TANGO6: variants seen among roughly 807,000 people sequenced by gnomAD.
The protein encoded by TANGO6 is transport and golgi organization 6 homolog.
TANGO6 carries 90 observed loss-of-function variants against 114.2 expected under a neutral mutation model. The observed-to-expected ratio is 0.79, with a 90% CI of 0.66 to 0.94. The LOEUF (loss-of-function observed/expected upper bound fraction) is 0.94, where lower values mean the gene tolerates loss of function less well. TANGO6 is among the 40% of genes least tolerant of loss of function. TANGO6 has a pLI of 0.00. For synonymous variants in TANGO6, 477 were observed against 509.8 expected, an observed-to-expected ratio of 0.94 and a Z score of 0.87; for missense variants, 1,274 against 1,315.3, an observed-to-expected ratio of 0.97 and a Z score of 0.49.
intron 15 of TANGO6, among the ~76,000 whole-genome samples, chr16:69,016,509 T>G (rs2152226031): frequency 6.6e-6 from 1 of 152,290 alleles, no homozygotes; most frequent in South Asian, 2.1e-4. Context: ...ATGAGAGCTG[T>G]GTTTTCTAAT....
chr16:69,067,511 T>TC (rs1176264982), intron 17 of TANGO6, among the ~76,000 whole-genome samples: 5 of 50,762 alleles, frequency 9.8e-5, no homozygotes, highest in African/African-American at 6.2e-4. Context: ...AGAGCAAAAC[T>TC]CCATCTCAAA....
At chr16:68,928,982 G>A (rs35708016) in intron 13 of TANGO6, among the ~76,000 whole-genome samples, 9,280 of 151,958 alleles carry the variant, frequency 0.061, 357 homozygotes, top group Middle Eastern at 0.099. Flanking sequence ...GCAGTGGTGC[G>A]ATCTCAGCTC....
At chr16:68,988,261 T>A (rs1963914990) in intron 15 of TANGO6, among the ~76,000 whole-genome samples, 1 of 152,226 alleles carries the variant, frequency 6.6e-6, no homozygotes, top group African/African-American at 2.4e-5. Context: ...CTCATATGAC[T>A]CGACTTTCCA....
rs1287351860 is a variant in TANGO6 at position 69,040,347 on chromosome 16, G to A, written c.3034G>A (p.Glu1012Lys). Reference protein sequence around the residue: ...CLIAVAKTDGEVQVRRAAIHV... With the variant: ...CLIAVAKTDGKVQVRRAAIHV... ...GATTGCTGTGGCCAAAACAGATGGT[G>A]AAGTTCAAGTACGCAGAGCTGCCAT... The change falls in exon 17 of 18, where the codon GAA becomes AAA. Residue 1012 changes from glutamate to lysine, a missense_variant. This residue lies in a region of TANGO6 where 238 missense variants were observed against 252.9 expected (regional missense o/e 0.94). Transcript: ENST00000261778. 1 of 1,609,302 alleles carries A rather than the reference G, an allele frequency of 6.2e-7. No individual in the cohort carries two copies. Among genetic ancestry groups the A allele is most frequent in the Non-Finnish European group, 8.5e-7 (1 of 1,178,082 alleles).
intron 11 of TANGO6, among the ~76,000 whole-genome samples, chr16:68,913,336 C>T (rs553843551): frequency 3.3e-5 from 5 of 151,474 alleles, no homozygotes; most frequent in African/African-American, 1.2e-4. Context: ...ACTTGAGAAA[C>T]TGGAAATCTA....
At chr16:69,015,733 G>A (rs867506930) in intron 15 of TANGO6, among the ~76,000 whole-genome samples, 1 of 152,008 alleles carries the variant, frequency 6.6e-6, no homozygotes, top group Non-Finnish European at 1.5e-5. Context: ...CGCCCCCTCT[G>A]CTTCCCAAAG....
At chr16:68,934,144 G>GCC (rs1963276378) in intron 14 of TANGO6, among the ~76,000 whole-genome samples, 2 of 151,528 alleles carry the variant, frequency 1.3e-5, no homozygotes, top group Non-Finnish European at 2.9e-5. Context: ...CTGGGCTCAA[G>GCC]CAGTCCTACC....
chr16:68,885,190 G>A (rs779490564), intron 7 of TANGO6, among the ~76,000 whole-genome samples: 5 of 152,186 alleles, frequency 3.3e-5, no homozygotes, highest in Non-Finnish European at 2.9e-5. Flanking sequence ...ACTAGGTAAC[G>A]TGGAGGATAA....
At chr16:68,984,722 A>C (rs558094699) in intron 15 of TANGO6, among the ~76,000 whole-genome samples, 1 of 151,982 alleles carries the variant, frequency 6.6e-6, no homozygotes, top group African/African-American at 2.4e-5. Context: ...GGGTCTCACT[A>C]TGTTGCCCAG....
At chr16:68,980,853 G>C (rs1963828870) in intron 15 of TANGO6, among the ~76,000 whole-genome samples, 1 of 152,002 alleles carries the variant, frequency 6.6e-6, no homozygotes, top group South Asian at 2.1e-4. Flanking sequence ...AAATTAGCCA[G>C]GCATAGTGGC....
intron 17 of TANGO6, among the ~76,000 whole-genome samples, chr16:69,064,121 C>A (rs1206445260): frequency 6.6e-6 from 1 of 152,092 alleles, no homozygotes; most frequent in East Asian, 1.9e-4. Context: ...CAGGCATAAG[C>A]CACCACGCCC....
rs1962352122 is a variant in TANGO6 at position 68,876,071 on chromosome 16, T to C, written c.1131+781T>C. Among the ~76,000 whole-genome samples, 4 of 152,186 alleles carry C rather than the reference T, an allele frequency of 2.6e-5. No homozygotes were observed. In the South Asian group the frequency reaches 8.3e-4, roughly 32 times the overall value. ...TATTCTGTGTATTATGCATATACCA[T>C]CATATGTGCATATGTTAATGTATGT... On this transcript the variant is annotated intron_variant, in intron 5 of 17. Transcript: ENST00000261778.
chr16:69,078,195 C>T (rs1597082469), intron 17 of TANGO6, among the ~76,000 whole-genome samples: 1 of 152,282 alleles, frequency 6.6e-6, no homozygotes, highest in South Asian at 2.1e-4. Flanking sequence ...AGAAAGAAGG[C>T]CGGCACAGCT....
intron 15 of TANGO6, 45 bp from the exon 16 acceptor site, chr16:69,022,783 G>A (rs1250176957): frequency 6.5e-7 from 1 of 1,532,906 alleles, no homozygotes; most frequent in Non-Finnish European, 8.8e-7. Flanking sequence ...TTAAGAAGTT[G>A]AAATTTTGTT....
At chr16:68,976,235 G>C (rs1567551717) in intron 15 of TANGO6, among the ~76,000 whole-genome samples, 1 of 152,182 alleles carries the variant, frequency 6.6e-6, no homozygotes, top group Non-Finnish European at 1.5e-5. Context: ...CACCCAGCCA[G>C]AATGAGGATA....
intron 1 of TANGO6, among the ~76,000 whole-genome samples, chr16:68,855,707 AC>A (rs750784708): frequency 1.1e-4 from 16 of 152,088 alleles, no homozygotes; most frequent in Non-Finnish European, 2.1e-4. Context: ...ACATGGTGGA[AC>A]CCGATCTCTA....
intron 15 of TANGO6, among the ~76,000 whole-genome samples, chr16:68,991,464 A>G (rs910057135): frequency 1.3e-5 from 2 of 152,012 alleles, no homozygotes; most frequent in Admixed American, 6.6e-5. Flanking sequence ...AAAAATAGAA[A>G]AAGCTACTAA....
intron 14 of TANGO6, among the ~76,000 whole-genome samples, chr16:68,961,329 G>T (rs764504783): frequency 6.6e-6 from 1 of 152,214 alleles, no homozygotes; most frequent in Non-Finnish European, 1.5e-5. Flanking sequence ...GAGTGACTGA[G>T]CATGCGGGTT....
intron 14 of TANGO6, among the ~76,000 whole-genome samples, chr16:68,956,961 A>G (rs1341911639): frequency 6.6e-6 from 1 of 152,210 alleles, no homozygotes; most frequent in African/African-American, 2.4e-5. Context: ...AATCTCAAGC[A>G]GGGAATTAGA....
Sources: gnomAD v4.1 joint callset for allele counts (sites outside exome capture counted in the v4.1 genomes callset) on GRCh38, gnomAD v4.1.1 for gene constraint, gnomAD v4.1.1 regional missense constraint, MANE v1.5 for transcripts, NCBI Gene and HGNC (gene_info 2026-07-23, HGNC 2026-07-21) for gene names.